Variants in PKD1L1 observed in about 807,000 individuals in gnomAD.
The protein encoded by PKD1L1 is polycystin 1 like 1, transient receptor potential channel interacting, also known as polycystin-1-like protein 1.
In PKD1L1, 236 loss-of-function variants were observed where a neutral mutation model predicts 323.4. That is an observed-to-expected ratio of 0.73 (90% CI 0.66 to 0.81). The LOEUF (loss-of-function observed/expected upper bound fraction) is 0.81, where lower values mean the gene tolerates loss of function less well. Ranked by LOEUF, PKD1L1 falls within the 40% of genes least tolerant of loss-of-function variation. PKD1L1 has a pLI of 0.00. For synonymous variants in PKD1L1, 1,344 were observed against 1,335.0 expected (o/e 1.01, Z -0.15); for missense variants, 3,320 against 3,508.0 (o/e 0.95, Z 1.35).
In PKD1L1 at chr7:47,890,667, G is replaced by A. The variant is rs1786793940; in HGVS notation, c.2550C>T (p.Ser850=). 1.2e-6 allele frequency: 2 copies of A among 1,614,144 alleles called. No homozygotes were observed. Among genetic ancestry groups the A allele is most frequent in the Non-Finnish European group, 1.7e-6 (2 of 1,180,030 alleles). The change falls in exon 16 of 57, where the codon TCC becomes TCT. Residue 850 remains serine (S), a synonymous_variant. Coordinates refer to ENST00000289672, the MANE Select transcript of PKD1L1 (RefSeq NM_138295.5). Reference sequence around the variant, plus strand: ...TGTCACTGAGCCATTGTGCCTCAAAGGAAACAGTGGGAGCCGCGGCATCCA... The same window carrying A: ...TGTCACTGAGCCATTGTGCCTCAAAAGAAACAGTGGGAGCCGCGGCATCCA... The part of the protein sequence containing the change: ...HQLDAAAPTV[S]FEAQWLSDSY...
intron 26 of PKD1L1, 62 bp from the exon 27 acceptor site, chr7:47,858,947 A>G (rs1373523277): frequency 1.9e-6 from 3 of 1,569,922 alleles, no homozygotes; most frequent in Non-Finnish European, 1.7e-6. Flanking sequence ...GCCCGGGTGT[A>G]TTTGAGGATG....
At chr7:47,954,607 A>T in the PKD1L1 span, among the ~76,000 whole-genome samples, 5 of 151,728 alleles carry the variant, frequency 3.3e-5, no homozygotes, top group Admixed American at 3.3e-4. Context: ...AACTGTAATT[A>T]CTCTTTTCTT....
chr7:47,785,267 G>C (rs1487402344), intron 56 of PKD1L1, among the ~76,000 whole-genome samples: 1 of 152,062 alleles, frequency 6.6e-6, no homozygotes, highest in African/African-American at 2.4e-5. Context: ...AAGTTGCTCA[G>C]GTTTTTGTCC....
At chr7:47,880,638 C>A (rs947560658) in intron 21 of PKD1L1, 90 bp downstream of exon 21, 5 of 1,003,054 alleles carry the variant, frequency 5.0e-6, no homozygotes, top group African/African-American at 1.7e-5. Flanking sequence ...CTGATGTAGA[C>A]CTGCACCCCA....
intron 7 of PKD1L1, 124 bp from the exon 8 acceptor site, chr7:47,915,723 A>G: frequency 3.5e-6 from 2 of 573,992 alleles, no homozygotes; most frequent in East Asian, 6.1e-5. Context: ...TACCCAACCA[A>G]TTAAGGAAGG....
rs908932344 is a variant in PKD1L1, at chr7:47,839,860, G to A, written c.5553-198C>T. On this transcript the variant is annotated intron_variant, in intron 35 of 56. Coordinates refer to ENST00000289672, the MANE Select transcript of PKD1L1 (RefSeq NM_138295.5). This position sits in a 1 kb window ranked among gnomAD's most constrained non-coding sequence, Gnocchi z 4.3. ...AGGATGGGAAATCCCACCGAGCACAGTGACCCTGCACTCAGGCCTTCAATA... is the reference window on the plus strand; with the variant it reads ...AGGATGGGAAATCCCACCGAGCACAATGACCCTGCACTCAGGCCTTCAATA... Among the ~76,000 whole-genome samples, 4 of 152,232 alleles carry A rather than the reference G, an allele frequency of 2.6e-5. No homozygotes were observed. Among genetic ancestry groups the A allele is most frequent in the African/African-American group, 9.6e-5 (4 of 41,458 alleles).
intron 52 of PKD1L1, 44 bp downstream of exon 52, chr7:47,808,203 C>G: frequency 6.2e-7 from 1 of 1,601,178 alleles, no homozygotes; most frequent in Non-Finnish European, 8.5e-7. Context: ...GATGGCATCA[C>G]AGTGCATGGC....
intron 3 of PKD1L1, among the ~76,000 whole-genome samples, chr7:47,938,836 C>T (rs1787927739): frequency 6.6e-6 from 1 of 152,208 alleles, no homozygotes; most frequent in Non-Finnish European, 1.5e-5. Context: ...CACCCTGAGC[C>T]ACGCCACAGC....
chr7:47,818,695 G>A (rs1785075969), intron 46 of PKD1L1, among the ~76,000 whole-genome samples: 3 of 152,154 alleles, frequency 2.0e-5, no homozygotes, highest in Non-Finnish European at 4.4e-5. Flanking sequence ...TATAAAATAA[G>A]CCCACAAAGC....
intron 6 of PKD1L1, among the ~76,000 whole-genome samples, chr7:47,930,903 C>A (rs976792437): frequency 6.6e-5 from 10 of 152,214 alleles, no homozygotes; most frequent in African/African-American, 2.2e-4. Context: ...AACATAAAGG[C>A]AACCAAGTGG....
Position 47,811,659 on chromosome 7 carries a change from T to G in PKD1L1, c.7581+158A>C, listed in dbSNP as rs574433830. On this transcript the variant is annotated intron_variant, in intron 50 of 56. Coordinates refer to ENST00000289672, the MANE Select transcript of PKD1L1 (RefSeq NM_138295.5). Reference sequence around the variant, plus strand: ...CTTCGTCTCATGCCCCAACCCTTAGTGTGATGCTTGCTGCAAGAAGGGGAT... The same window carrying G: ...CTTCGTCTCATGCCCCAACCCTTAGGGTGATGCTTGCTGCAAGAAGGGGAT... Among the ~76,000 whole-genome samples, 5 of 152,192 alleles carry G rather than the reference T, an allele frequency of 3.3e-5. No individual in the cohort carries two copies. In the East Asian group the frequency reaches 9.7e-4, roughly 29 times the overall value.
chr7:47,816,957 C>T (rs1238342445), intron 46 of PKD1L1, among the ~76,000 whole-genome samples: 2 of 152,220 alleles, frequency 1.3e-5, no homozygotes, highest in Non-Finnish European at 2.9e-5. Context: ...ATGGTGGTTC[C>T]GGGCGTGGTG....
intron 51 of PKD1L1, 96 bp from the exon 52 acceptor site, chr7:47,808,483 C>A: frequency 7.0e-7 from 1 of 1,430,916 alleles, no homozygotes; most frequent in Admixed American, 1.9e-5. Flanking sequence ...AGTCATGAGT[C>A]ACTTAACTAC....
chr7:47,803,163 T>C (rs1399651362), intron 53 of PKD1L1, 47 bp downstream of exon 53: 1 of 1,611,244 alleles, frequency 6.2e-7, no homozygotes, highest in Non-Finnish European at 8.5e-7. Context: ...AGTACACAGA[T>C]CAATGGTTTA....
chr7:47,854,162 G>A (rs544893114), intron 30 of PKD1L1, among the ~76,000 whole-genome samples: 1 of 152,268 alleles, frequency 6.6e-6, no homozygotes, highest in African/African-American at 2.4e-5. Flanking sequence ...ATTAAACTGC[G>A]TGCTAAGGGC....
At chr7:47,920,496 C>T (rs971250659) in intron 7 of PKD1L1, among the ~76,000 whole-genome samples, 2 of 151,842 alleles carry the variant, frequency 1.3e-5, no homozygotes, top group Non-Finnish European at 2.9e-5. Context: ...CAGTGGAATA[C>T]CCATCAAAAC....
At chr7:47,933,351 A>G (rs372322361) in intron 4 of PKD1L1, among the ~76,000 whole-genome samples, 3 of 152,070 alleles carry the variant, frequency 2.0e-5, no homozygotes, top group Non-Finnish European at 2.9e-5. Context: ...CCCCTTCCTG[A>G]GTCGTCATTT....
rs544066191 is a variant in PKD1L1 at position 47,901,252 on chromosome 7, C to CGCTT, written c.2064+1123_2064+1126dup. Reference sequence around the variant, plus strand: ...ACTTGGGAGGCTGAGGCAGGAGAATCGCTTAAAGCCAGGAGGCAGAGGTTA... The same window carrying CGCTT: ...ACTTGGGAGGCTGAGGCAGGAGAATCGCTTGCTTAAAGCCAGGAGGCAGAGGTTA... On this transcript the variant is annotated intron_variant, in intron 13 of 56. Coordinates refer to ENST00000289672, the MANE Select transcript of PKD1L1 (RefSeq NM_138295.5). 1.4e-4 allele frequency among the ~76,000 whole-genome samples: 21 copies of CGCTT among 146,216 alleles called. No homozygotes were observed. In the South Asian group the frequency reaches 3.8e-3, roughly 27 times the overall value.
In PKD1L1 at chr7:47,830,208, C is replaced by T. The variant is rs2128735096; in HGVS notation, c.6474-84G>A. On this transcript the variant is annotated intron_variant, in intron 42 of 56. Coordinates refer to ENST00000289672, the MANE Select transcript of PKD1L1 (RefSeq NM_138295.5). ...TCATTGCTGCCTAAGCACAGGGACA[C>T]TGCCTGAGAGGGCCTATGGCCTCGC... The T allele has an allele frequency of 1.2e-5, 14 of 1,202,448 alleles. No individual in the cohort carries two copies. The South Asian group carries it at 1.8e-4, about 15-fold the overall frequency. The allele number at this position is 1,202,448 out of a possible 1,614,324, so 74.5% of individuals were successfully genotyped here.
Sources: gnomAD v4.1 joint callset for allele counts (sites outside exome capture counted in the v4.1 genomes callset) on GRCh38, gnomAD v4.1.1 for gene constraint, Gnocchi (gnomAD v3.1) non-coding constraint, MANE v1.5 for transcripts, NCBI Gene and HGNC (gene_info 2026-07-23, HGNC 2026-07-21) for gene names.